Variants in ACOX1 observed in about 807,000 individuals in gnomAD.
ACOX1 encodes peroxisomal acyl-coenzyme A oxidase 1.
In ACOX1, 41 loss-of-function variants were observed where a neutral mutation model predicts 75.5. The observed-to-expected ratio is 0.54, with a 90% CI of 0.42 to 0.70. The LOEUF (loss-of-function observed/expected upper bound fraction) is 0.70, where lower values mean the gene tolerates loss of function less well. ACOX1 is among the 30% of genes least tolerant of loss of function. The pLI is 0.00. For missense variants in ACOX1, 630 were observed against 837.5 expected, an observed-to-expected ratio of 0.75 and a Z score of 3.06; for synonymous variants, 303 against 298.8, an observed-to-expected ratio of 1.01 and a Z score of -0.15.
chr17:75,954,130 C>T (rs1196894056), intron 6 of ACOX1, among the ~76,000 whole-genome samples: 4 of 151,268 alleles, frequency 2.6e-5, no homozygotes, highest in Admixed American at 6.6e-5. Flanking sequence ...ACAGGAGAAT[C>T]GCTTGAACCT....
At position 75,944,269 on chromosome 17, in the gene ACOX1, G is replaced by T. The variant is rs1171704518; in HGVS notation, c.*2479C>A. On this transcript the variant is annotated 3_prime_UTR_variant, in exon 14 of 14. Transcript: ENST00000293217. ...ATAAAATTCCTACTCAGTAATTTTG[G>T]AGAAGACAAGGTTAAAATGTATCTT... 1.3e-5 allele frequency: 2 copies of T among 152,132 alleles called. No individual in the cohort carries two copies. The highest frequency in any genetic ancestry group is 1.5e-5 in the Non-Finnish European group (1 of 68,022). 9.4% of individuals were successfully genotyped at this position (152,132 alleles called of 1,614,324 possible).
intron 8 of ACOX1, 90 bp from the exon 9 acceptor site, chr17:75,951,054 G>A: frequency 2.2e-6 from 3 of 1,362,570 alleles, no homozygotes; most frequent in Non-Finnish European, 3.1e-6. Context: ...CTAACATCTT[G>A]GCCACTGTCA....
chr17:75,956,409 A>G (rs2065824082), intron 4 of ACOX1, among the ~76,000 whole-genome samples: 1 of 152,164 alleles, frequency 6.6e-6, no homozygotes, highest in Non-Finnish European at 1.5e-5. Flanking sequence ...GTTTCGGGTC[A>G]GCCGGGCACG....
chr17:75,972,276 G>A (rs1315106561), intron 2 of ACOX1, among the ~76,000 whole-genome samples: 4 of 147,760 alleles, frequency 2.7e-5, no homozygotes, highest in Non-Finnish European at 4.4e-5. Context: ...GCACCGAGCC[G>A]AGATGGCACA....
At position 75,941,876 on chromosome 17, in the gene ACOX1, A is replaced by C. The variant is rs901715830; in HGVS notation, c.*4872T>G. On this transcript the variant is annotated 3_prime_UTR_variant, in exon 14 of 14. Coordinates refer to ENST00000293217, the MANE Select transcript of ACOX1 (RefSeq NM_004035.7). ...AGTGTAGTCCGCAGTCTGAATGTGG[A>C]AGGTGGAAGATCACACATTTACTAA... 7 of 152,236 alleles carry C rather than the reference A, an allele frequency of 4.6e-5. No individual in the cohort carries two copies. The highest frequency in any genetic ancestry group is 1.4e-4 in the African/African-American group (6 of 41,466). 9.4% of individuals were successfully genotyped at this position (152,236 alleles called of 1,614,324 possible).
chr17:75,978,784 G>A lies in ACOX1; in HGVS notation c.110-91C>T, dbSNP rs1032587148. On this transcript the variant is annotated intron_variant, in intron 1 of 13. Transcript: ENST00000293217. This position sits in a 1 kb window ranked among gnomAD's most constrained non-coding sequence, Gnocchi z 4.2. ...AATCACAATAGGCTTCAGAGTCGCG[G>A]ACACACCTGGGGAATGGCGATATCC... 14 of 1,608,554 alleles carry A rather than the reference G, an allele frequency of 8.7e-6. No individual in the cohort carries two copies. The highest frequency in any genetic ancestry group is 1.2e-5 in the Non-Finnish European group (14 of 1,179,726).
chr17:75,955,977 T>A (rs749194188), intron 4 of ACOX1, 30 bp from the exon 5 acceptor site: 2 of 1,612,690 alleles, frequency 1.2e-6, no homozygotes, highest in Non-Finnish European at 1.7e-6. Flanking sequence ...AAGGGAGGGG[T>A]GGGCAAACGT....
chr17:75,949,475 A>G lies in ACOX1; in HGVS notation c.1584+20T>C, dbSNP rs1567873058. On this transcript the variant is annotated intron_variant, in intron 11 of 13. Coordinates refer to ENST00000293217, the MANE Select transcript of ACOX1 (RefSeq NM_004035.7). Reference sequence around the variant, plus strand: ...GATGCTGAGGGCAGGGAAGGGGAAAAAGAGAGAACTACCACTGACCTCACT... The same window carrying G: ...GATGCTGAGGGCAGGGAAGGGGAAAGAGAGAGAACTACCACTGACCTCACT... 1.9e-6 allele frequency: 3 copies of G among 1,613,258 alleles called. No homozygotes were observed. The Admixed American group carries it at 5.0e-5, about 27-fold the overall frequency.
At position 75,960,793 on chromosome 17, in the gene ACOX1, C is replaced by A. The variant is rs1264703231; in HGVS notation, c.270-418G>T. 6.6e-6 allele frequency among the ~76,000 whole-genome samples: 1 copy of A among 152,168 alleles called. No homozygotes were observed. Among genetic ancestry groups the A allele is most frequent in the Non-Finnish European group, 1.5e-5 (1 of 68,032 alleles). On this transcript the variant is annotated intron_variant, in intron 2 of 13. Transcript: ENST00000293217. The surrounding 1 kb of genome is among the most constrained non-coding windows in gnomAD (Gnocchi z 4.4). Reference sequence around the variant, plus strand: ...AGGAGTTCGAGACCAGCCTGGCCAACATGGCAAAGCCCTGACTCTACTAAA... The same window carrying A: ...AGGAGTTCGAGACCAGCCTGGCCAAAATGGCAAAGCCCTGACTCTACTAAA...
intron 3 of ACOX1, among the ~76,000 whole-genome samples, chr17:75,958,695 C>T (rs932182291): frequency 6.6e-6 from 1 of 151,344 alleles, no homozygotes. Context: ...GTAGTCCCAG[C>T]TACTCGGGAG....
chr17:75,946,812 G>A lies in ACOX1; in HGVS notation c.1936-17C>T, dbSNP rs1020019703. ...TTCGTGGACCTGTGGGGAAAGGAGA[G>A]AGAAGAACTACTAATAAAGAGTTTG... On this transcript the variant is annotated splice_polypyrimidine_tract_variant and intron_variant, in intron 13 of 13. Transcript: ENST00000293217. 1 of 1,611,416 alleles carries A rather than the reference G, an allele frequency of 6.2e-7. No individual in the cohort carries two copies. The highest frequency in any genetic ancestry group is 1.3e-5 in the African/African-American group (1 of 74,952).
At chr17:75,968,250 A>T (rs1173397036) in intron 2 of ACOX1, among the ~76,000 whole-genome samples, 1 of 147,182 alleles carries the variant, frequency 6.8e-6, no homozygotes. Flanking sequence ...TCCTGGCTAA[A>T]ACGGTGAAAC....
At chr17:75,953,659 A>C (rs1421948842) in intron 6 of ACOX1, 39 bp from the exon 7 acceptor site, 1 of 1,611,816 alleles carries the variant, frequency 6.2e-7, no homozygotes, top group Non-Finnish European at 8.5e-7. Context: ...CCTTCTTTTA[A>C]GCCCAAGAGG....
At chr17:75,975,467 C>T (rs1174894542) in intron 2 of ACOX1, among the ~76,000 whole-genome samples, 1 of 152,182 alleles carries the variant, frequency 6.6e-6, no homozygotes, top group East Asian at 1.9e-4. Context: ...GTCCCATTGT[C>T]TTTTCTATCT....
chr17:75,973,727 T>C lies in ACOX1; in HGVS notation c.269+4807A>G, dbSNP rs775326536. The C allele has an allele frequency of 5.0e-6, 8 of 1,614,084 alleles. No homozygotes were observed. The South Asian group carries it at 6.6e-5, about 13-fold the overall frequency. ...GCAGTGGTGCCCTGATTCAGCAAGG[T>C]AGGAATAAACATGGAGTAATTGAGG... On this transcript the variant is annotated intron_variant, in intron 2 of 13. Coordinates refer to ENST00000293217, the MANE Select transcript of ACOX1 (RefSeq NM_004035.7).
At chr17:75,967,711 T>C (rs575183251) in intron 2 of ACOX1, among the ~76,000 whole-genome samples, 2 of 136,618 alleles carry the variant, frequency 1.5e-5, no homozygotes, top group African/African-American at 5.4e-5. Context: ...TATATACATA[T>C]ATATATACAC....
intron 3 of ACOX1, among the ~76,000 whole-genome samples, chr17:75,958,841 C>G (rs1227920231): frequency 6.7e-6 from 1 of 149,826 alleles, no homozygotes; most frequent in Non-Finnish European, 1.5e-5. Context: ...AAAAGTATAA[C>G]TGTTATTGGG....
At chr17:75,952,744 C>A (rs893075327) in intron 7 of ACOX1, among the ~76,000 whole-genome samples, 16 of 150,968 alleles carry the variant, frequency 1.1e-4, no homozygotes, top group Non-Finnish European at 2.1e-4. Flanking sequence ...ACAGGAGAAT[C>A]ACTTGAACCC....
chr17:75,945,575 ATTGACT>A lies in ACOX1; in HGVS notation c.*1167_*1172del. ...AAAAAAACAAAACAAAGTGACTTAC[ATTGACT>A]TTAAGAAAAAATTAATTAAGATGTA... On this transcript the variant is annotated 3_prime_UTR_variant, in exon 14 of 14. Transcript: ENST00000293217. 1 of 153,756 alleles carries A rather than the reference ATTGACT, an allele frequency of 6.5e-6. No individual in the cohort carries two copies. Among genetic ancestry groups the A allele is most frequent in the East Asian group, 1.9e-4 (1 of 5,184 alleles). 9.5% of individuals were successfully genotyped at this position (153,756 alleles called of 1,614,324 possible).
Sources: allele counts gnomAD v4.1 joint callset (sites outside exome capture counted in the v4.1 genomes callset), GRCh38; gene constraint gnomAD v4.1.1; non-coding constraint Gnocchi (gnomAD v3.1); transcripts MANE v1.5; gene names NCBI Gene and HGNC (gene_info 2026-07-23, HGNC 2026-07-21).